NBAS: variants seen among roughly 807,000 people sequenced by gnomAD.
The protein encoded by NBAS is NBAS subunit of NRZ tethering complex.
Under a neutral mutation model 302.5 loss-of-function variants are expected in NBAS, and 219 were observed. That is an observed-to-expected ratio of 0.72 (90% CI 0.65 to 0.81). NBAS has a LOEUF of 0.81. Among genes scored for constraint, NBAS ranks in the 30% least tolerant of loss-of-function variants. The probability of loss-of-function intolerance (pLI) is 0.00; values close to 1 mark genes in which losing one functional copy is unlikely to be tolerated. For missense variants in NBAS, 2,932 were observed against 2,841.6 expected (o/e 1.03, Z -0.72); for synonymous variants, 1,118 against 1,021.6 (o/e 1.09, Z -1.80).
chr2:15,460,908 A>G (rs893625336), intron 21 of NBAS, among the ~76,000 whole-genome samples: 2 of 152,196 alleles, frequency 1.3e-5, no homozygotes, highest in African/African-American at 4.8e-5. Flanking sequence ...ACTCAGACAT[A>G]CATTATCCTA....
At chr2:15,432,014 T>C (rs1214450609) in intron 21 of NBAS, among the ~76,000 whole-genome samples, 1 of 152,064 alleles carries the variant, frequency 6.6e-6, no homozygotes, top group Non-Finnish European at 1.5e-5. Context: ...GAAAACCCTT[T>C]TCATGGATTC....
the NBAS span, among the ~76,000 whole-genome samples, chr2:14,957,973 T>C: frequency 2.6e-5 from 4 of 152,228 alleles, no homozygotes; most frequent in Non-Finnish European, 4.4e-5. Flanking sequence ...TGATTCTGGA[T>C]GATTCTCGAG....
chr2:15,239,390 T>C lies in NBAS; in HGVS notation c.5725-704A>G, dbSNP rs546649568. On this transcript the variant is annotated intron_variant, in intron 44 of 51. Transcript: ENST00000281513. ...TTTTATGTGTGTGTGTATGTGTGCG[T>C]GTGTGTGTGTGTATATATATATATA... Among the ~76,000 whole-genome samples, 245 of 67,676 alleles carry C rather than the reference T, an allele frequency of 3.6e-3. 2 individuals are homozygous for C. The highest frequency in any genetic ancestry group is 9.5e-3 in the African/African-American group (223 of 23,478). The allele number at this position is 67,676 out of a possible 152,430, so 44.4% of individuals were successfully genotyped here. A position where few individuals can be genotyped will look rare whatever the true frequency, so the allele number is the denominator to read the frequency against.
chr2:15,538,200 G>GTAGT (rs1663614634), intron 7 of NBAS, among the ~76,000 whole-genome samples: 1 of 152,014 alleles, frequency 6.6e-6, no homozygotes, highest in African/African-American at 2.4e-5. Flanking sequence ...AACTTCACCT[G>GTAGT]TAGTTATTGT....
chr2:15,354,905 T>C (rs1223697298), intron 33 of NBAS, among the ~76,000 whole-genome samples: 3 of 152,090 alleles, frequency 2.0e-5, no homozygotes, highest in African/African-American at 7.2e-5. Context: ...TTCAGCAAGG[T>C]CCTATTAAAT....
intron 26 of NBAS, among the ~76,000 whole-genome samples, chr2:15,398,898 T>TA (rs1322545664): frequency 6.6e-6 from 1 of 152,144 alleles, no homozygotes; most frequent in African/African-American, 2.4e-5. Context: ...GTGTTTACAT[T>TA]AAAAAATGTT....
chr2:14,837,966 T>C, the NBAS span, among the ~76,000 whole-genome samples: 1 of 151,940 alleles, frequency 6.6e-6, no homozygotes, highest in African/African-American at 2.4e-5. Flanking sequence ...TCTTAAAGAA[T>C]ATATTTTTGT....
At chr2:15,248,163 G>A (rs565266531) in intron 44 of NBAS, among the ~76,000 whole-genome samples, 6 of 152,082 alleles carry the variant, frequency 3.9e-5, no homozygotes, top group South Asian at 2.1e-4. Flanking sequence ...TCAAAACCGC[G>A]CAACTACATG....
chr2:15,554,226 G>A, intron 3 of NBAS, 88 bp from the exon 4 acceptor site: 1 of 1,100,654 alleles, frequency 9.1e-7, no homozygotes, highest in Non-Finnish European at 1.4e-6. Context: ...TATAGAGAGA[G>A]ACACAGATTT....
chr2:14,926,194 C>T, the NBAS span, among the ~76,000 whole-genome samples: 1 of 152,114 alleles, frequency 6.6e-6, no homozygotes, highest in African/African-American at 2.4e-5. Context: ...GTCATGGAAC[C>T]ACACTTAGGG....
At chr2:15,399,263 G>A (rs1241751920) in intron 26 of NBAS, among the ~76,000 whole-genome samples, 1 of 151,852 alleles carries the variant, frequency 6.6e-6, no homozygotes, top group Non-Finnish European at 1.5e-5. Context: ...AGCTGACAGA[G>A]GAATCATAAG....
chr2:14,967,708 A>G, the NBAS span, among the ~76,000 whole-genome samples: 1 of 152,236 alleles, frequency 6.6e-6, no homozygotes, highest in South Asian at 2.1e-4. Context: ...CAAAAGATAA[A>G]TTGGACTTAA....
intron 44 of NBAS, among the ~76,000 whole-genome samples, chr2:15,254,589 G>A (rs555102402): frequency 3.0e-4 from 46 of 152,008 alleles, no homozygotes; most frequent in Non-Finnish European, 6.3e-4. Flanking sequence ...AACAGGTGGC[G>A]TTTGCATGGA....
At chr2:15,457,124 AG>A (rs1679282550) in intron 21 of NBAS, among the ~76,000 whole-genome samples, 1 of 152,186 alleles carries the variant, frequency 6.6e-6, no homozygotes, top group African/African-American at 2.4e-5. Flanking sequence ...CCTGTGTGGC[AG>A]GAATGGAGAG....
At chr2:14,797,362 T>C in the NBAS span, among the ~76,000 whole-genome samples, 1 of 152,212 alleles carries the variant, frequency 6.6e-6, no homozygotes, top group African/African-American at 2.4e-5. Context: ...CCAATGTAGC[T>C]TTCTTGCCCT....
chr2:15,421,087 A>G (rs1336539390), intron 23 of NBAS, among the ~76,000 whole-genome samples: 3 of 152,200 alleles, frequency 2.0e-5, no homozygotes, highest in African/African-American at 7.2e-5. Flanking sequence ...TAGTAATAAA[A>G]ACAAAGTTCA....
At chr2:15,364,834 C>G (rs1674119320) in intron 32 of NBAS, among the ~76,000 whole-genome samples, 1 of 151,984 alleles carries the variant, frequency 6.6e-6, no homozygotes, top group African/African-American at 2.4e-5. Flanking sequence ...AGCCCAATCT[C>G]CAGAAGAGAT....
chr2:15,262,855 G>C (rs1472490393), intron 44 of NBAS, among the ~76,000 whole-genome samples: 2 of 152,130 alleles, frequency 1.3e-5, no homozygotes, highest in Admixed American at 1.3e-4. Flanking sequence ...GACAAAAAAT[G>C]GTTCTATAAT....
intron 12 of NBAS, among the ~76,000 whole-genome samples, chr2:15,486,002 G>C (rs1350950074): frequency 1.3e-5 from 2 of 152,204 alleles, no homozygotes. Context: ...GGGTCTCAGA[G>C]GGCAGAGTCT....
Sources: gnomAD v4.1 joint callset for allele counts (sites outside exome capture counted in the v4.1 genomes callset) on GRCh38, gnomAD v4.1.1 for gene constraint, MANE v1.5 for transcripts, NCBI Gene and HGNC (gene_info 2026-07-23, HGNC 2026-07-21) for gene names.